Variants in C10orf53 observed in about 807,000 individuals in gnomAD.
C10orf53 encodes the protein UPF0728 protein C10orf53.
In C10orf53, 8 loss-of-function variants were observed where a neutral mutation model predicts 9.4. The ratio of observed to expected loss-of-function variants is 0.85; its 90% CI spans 0.50 to 1.53. C10orf53 has a LOEUF of 1.53. C10orf53 is among the 40% of genes most tolerant of loss of function. The probability of loss-of-function intolerance (pLI) is 0.00; values close to 1 mark genes in which losing one functional copy is unlikely to be tolerated. For missense variants in C10orf53, 117 were observed against 117.8 expected, an observed-to-expected ratio of 0.99 and a Z score of 0.03; for synonymous variants, 48 against 46.0, an observed-to-expected ratio of 1.04 and a Z score of -0.18.
chr10:49,693,415 C>T (rs912677982), intron 1 of C10orf53, among the ~76,000 whole-genome samples: 2 of 152,154 alleles, frequency 1.3e-5, no homozygotes, highest in Non-Finnish European at 2.9e-5. Context: ...CTTTCATCAG[C>T]AGAGTAAGAA....
At chr10:49,679,925 A>C (rs1282329396) in intron 1 of C10orf53, 131 bp downstream of exon 1, 1 of 839,430 alleles carries the variant, frequency 1.2e-6, no homozygotes, top group African/African-American at 1.8e-5. Flanking sequence ...CCCCAGGATG[A>C]TGTTGCAACC....
At chr10:49,687,096 A>G (rs1270186650) in intron 1 of C10orf53, among the ~76,000 whole-genome samples, 1 of 152,182 alleles carries the variant, frequency 6.6e-6, no homozygotes, top group Non-Finnish European at 1.5e-5. Flanking sequence ...ACTGTTTTCC[A>G]GAGTTTTGAC....
At chr10:49,694,039 T>C in intron 2 of C10orf53, 146 bp downstream of exon 2, 2 of 1,132,812 alleles carry the variant, frequency 1.8e-6, no homozygotes, top group South Asian at 1.5e-5. Context: ...GCCCTGTGCT[T>C]TCAGTGGCAC....
chr10:49,690,980 TC>T (rs1358377672), intron 1 of C10orf53, among the ~76,000 whole-genome samples: 5 of 152,090 alleles, frequency 3.3e-5, no homozygotes, highest in African/African-American at 1.2e-4. Flanking sequence ...TTTATTTAGA[TC>T]CCCCTTGAAG....
chr10:49,708,288 G>C, intron 2 of C10orf53: 1 of 1,569,882 alleles, frequency 6.4e-7, no homozygotes, highest in Non-Finnish European at 8.6e-7. Flanking sequence ...GAATATGAGT[G>C]TTCAGTCGAC....
chr10:49,708,667 T>G (rs1840740471), exon 3 of C10orf53: 1 of 1,597,968 alleles, frequency 6.3e-7, no homozygotes, highest in African/African-American at 1.3e-5. Context: ...AAAAGGAAAA[T>G]GGTGGGTCTG....
At position 49,679,667 on chromosome 10, in the gene C10orf53, C is replaced by T. The variant is rs1032200846; in HGVS notation, c.-31C>T. ...AGGTTGCTTAGCAGCGTGTGTTTCT[C>T]CCTTGCCTCTGCGGCGGCGGAGGCC... On this transcript the variant is annotated 5_prime_UTR_variant, in exon 1 of 3. Transcript: ENST00000374111. 48 of 1,542,460 alleles carry T rather than the reference C, an allele frequency of 3.1e-5. No individual in the cohort carries two copies. The Admixed American group carries it at 5.0e-4, about 16-fold the overall frequency.
Position 49,684,476 on chromosome 10 carries a change from G to A in C10orf53, c.97+4682G>A, listed in dbSNP as rs575091375. ...ATTGTTATTTTAACAATATTAAGCC[G>A]TTTAGTCCATGCACACAGGATGCAT... is the stretch of plus-strand genomic sequence containing the variant. On this transcript the variant is annotated intron_variant, in intron 1 of 2. Coordinates refer to ENST00000374111, the MANE Select transcript of C10orf53 (RefSeq NM_001042427.3). Among the ~76,000 whole-genome samples the A allele has an allele frequency of 9.2e-5, 14 of 152,262 alleles. No individual in the cohort carries two copies. In the East Asian group the frequency reaches 1.2e-3, roughly 13 times the overall value.
At chr10:49,704,268 T>G (rs1840707330) in intron 2 of C10orf53, among the ~76,000 whole-genome samples, 1 of 152,164 alleles carries the variant, frequency 6.6e-6, no homozygotes, top group African/African-American at 2.4e-5. Flanking sequence ...AGAAGGCATT[T>G]GCAACTCATA....
exon 3 of C10orf53, chr10:49,709,066 A>T (rs992042663): frequency 2.4e-5 from 4 of 169,420 alleles, no homozygotes; most frequent in African/African-American, 7.2e-5. Flanking sequence ...ATCTTTCCCA[A>T]GCATTGATCT....
At position 49,694,574 on chromosome 10, in the gene C10orf53, C is replaced by A. The variant is rs777917968; in HGVS notation, c.254C>A (p.Ala85Asp). 4 of 1,614,226 alleles carry A rather than the reference C, an allele frequency of 2.5e-6. No individual in the cohort carries two copies. The highest frequency in any genetic ancestry group is 3.4e-6 in the Non-Finnish European group (4 of 1,180,024). ...AAACTAGACCCACTGTGTGAAAAGG[C>A]CAGGATAGCCGTGCTGAATGCCTAC... is the stretch of plus-strand genomic sequence containing the variant. Reference protein sequence around the residue: ...DGKLDPLCEKARIAVLNAY With the variant: ...DGKLDPLCEKDRIAVLNAY The change falls in exon 3 of 3, where the codon GCC becomes GAC. Residue 85 changes from alanine (A) to aspartate (D), a missense_variant. Ala to Asp is a moderately radical substitution (Grantham distance 126). Coordinates refer to ENST00000374111, the MANE Select transcript of C10orf53 (RefSeq NM_001042427.3).
chr10:49,681,127 C>T (rs1484827197), intron 1 of C10orf53, among the ~76,000 whole-genome samples: 1 of 152,182 alleles, frequency 6.6e-6, no homozygotes, highest in Non-Finnish European at 1.5e-5. Context: ...TCATTGGGAC[C>T]TAGCCCCATC....
Position 49,708,740 on chromosome 10 carries a change from G to A in C10orf53, c.*123G>A, listed in dbSNP as rs985168734. 1.7e-5 allele frequency: 24 copies of A among 1,427,698 alleles called. No individual in the cohort carries two copies. In the South Asian group the frequency reaches 2.0e-4, roughly 12 times the overall value. 88.4% of individuals were successfully genotyped at this position (1,427,698 alleles called of 1,614,324 possible). A position where few individuals can be genotyped will look rare whatever the true frequency, so the allele number is the denominator to read the frequency against. On this transcript the variant is annotated 3_prime_UTR_variant, in exon 3 of 3. Transcript: ENST00000374112. ...AAACAAAAATTGTCCCACATCTCCCGAACCTCTCCAGCTAGATGTCCCACA... is the reference window on the plus strand; with the variant it reads ...AAACAAAAATTGTCCCACATCTCCCAAACCTCTCCAGCTAGATGTCCCACA...
At chr10:49,691,653 G>T (rs184746346) in intron 1 of C10orf53, among the ~76,000 whole-genome samples, 1 of 152,300 alleles carries the variant, frequency 6.6e-6, no homozygotes, top group African/African-American at 2.4e-5. Flanking sequence ...GTGATTCGGT[G>T]GATCAATTCC....
chr10:49,701,172 C>G (rs1420688672), downstream of C10orf53, among the ~76,000 whole-genome samples: 2 of 152,272 alleles, frequency 1.3e-5, no homozygotes, highest in South Asian at 4.2e-4. Context: ...CACTCAAATG[C>G]GTCTCTTGAG....
chr10:49,709,614 G>GAGAC (rs1488710969), exon 3 of C10orf53: 1 of 152,266 alleles, frequency 6.6e-6, no homozygotes, highest in East Asian at 1.9e-4. Context: ...AACCTTGACT[G>GAGAC]AGACACTCCT....
At chr10:49,701,009 T>TAC (rs923805845), downstream of C10orf53, among the ~76,000 whole-genome samples, 3 of 150,900 alleles carry the variant, frequency 2.0e-5, no homozygotes, top group Admixed American at 2.0e-4. Context: ...TTAGGATATA[T>TAC]ATATATGTAT....
At chr10:49,701,003 G>GAT (rs55716950), downstream of C10orf53, among the ~76,000 whole-genome samples, 55,445 of 151,376 alleles carry the variant, frequency 0.37, 12,463 homozygotes, top group East Asian at 0.81. Context: ...CCACATTTAG[G>GAT]ATATATATAT....
chr10:49,708,110 A>G (rs1840735235), intron 2 of C10orf53, among the ~76,000 whole-genome samples: 1 of 152,090 alleles, frequency 6.6e-6, no homozygotes, highest in African/African-American at 2.4e-5. Context: ...TCCACTTCCC[A>G]ACATCTTTCT....
Sources: gnomAD v4.1 joint callset for allele counts (sites outside exome capture counted in the v4.1 genomes callset) on GRCh38, gnomAD v4.1.1 for gene constraint, MANE v1.5 for transcripts, NCBI Gene and HGNC (gene_info 2026-07-23, HGNC 2026-07-21) for gene names.